The following CBLB variants were observed in gnomAD, a reference collection of about 807,000 sequenced individuals.
The protein encoded by CBLB is Cbl proto-oncogene B.
Under a neutral mutation model 104.9 loss-of-function variants are expected in CBLB, and 31 were observed. The observed-to-expected ratio is 0.30, with a 90% confidence interval of 0.22 to 0.40. CBLB has a LOEUF of 0.40. CBLB is among the 10% of genes least tolerant of loss of function. The pLI, the probability that CBLB is intolerant of heterozygous loss-of-function variation, is 1.00. For missense variants in CBLB, 1,062 were observed against 1,214.6 expected (o/e 0.87, Z 1.87); for synonymous variants, 440 against 422.6 (o/e 1.04, Z -0.51).
chr3:105,828,959 G>A (rs1205424033), intron 3 of CBLB, among the ~76,000 whole-genome samples: 1 of 151,662 alleles, frequency 6.6e-6, no homozygotes, highest in East Asian at 1.9e-4. Flanking sequence ...AGCTTCTAGG[G>A]AACCTCTATA....
rs554147661 is a variant in CBLB at position 105,781,654 on chromosome 3, T to C, written c.420-5112A>G. ...TGTAATCTAATTAGATTGCATGTAG[T>C]CCTTGAGTTTTTTCTATTCAAGAAA... On this transcript the variant is annotated intron_variant, in intron 3 of 18. Transcript: ENST00000394030. Among the ~76,000 whole-genome samples, 29 of 152,290 alleles carry C rather than the reference T, an allele frequency of 1.9e-4. 1 individual carries two copies. In the South Asian group the frequency reaches 6.0e-3, roughly 32 times the overall value.
At chr3:105,835,321 T>A (rs564005042) in intron 3 of CBLB, among the ~76,000 whole-genome samples, 1 of 152,310 alleles carries the variant, frequency 6.6e-6, no homozygotes, top group African/African-American at 2.4e-5. Flanking sequence ...TTGAATGATG[T>A]GTAAAACTAC....
chr3:105,741,153 T>C (rs9830539), intron 6 of CBLB, among the ~76,000 whole-genome samples: 140,982 of 142,922 alleles, frequency 0.99, 69,568 homozygotes, highest in East Asian at 1. Flanking sequence ...AGGCTTAGAA[T>C]TCGATATATT....
intron 3 of CBLB, among the ~76,000 whole-genome samples, chr3:105,809,770 A>G (rs2084030509): frequency 6.6e-6 from 1 of 152,162 alleles, no homozygotes; most frequent in Admixed American, 6.6e-5. Flanking sequence ...CAGACGAGGG[A>G]TCAGATGGGG....
At chr3:105,798,875 G>C (rs1456278782) in intron 3 of CBLB, among the ~76,000 whole-genome samples, 1 of 152,182 alleles carries the variant, frequency 6.6e-6, no homozygotes, top group Non-Finnish European at 1.5e-5. Flanking sequence ...GACAGAGGGG[G>C]TCAGGCATTA....
At chr3:105,795,688 T>C (rs1441723586) in intron 3 of CBLB, among the ~76,000 whole-genome samples, 1 of 152,176 alleles carries the variant, frequency 6.6e-6, no homozygotes, top group East Asian at 1.9e-4. Context: ...AGTTGGCTTA[T>C]GGTTTTTTGT....
chr3:105,806,572 T>TA (rs2083532021), intron 3 of CBLB, among the ~76,000 whole-genome samples: 1 of 151,108 alleles, frequency 6.6e-6, no homozygotes, highest in African/African-American at 2.4e-5. Context: ...TGATGAGTCA[T>TA]AACCCCCCAG....
intron 5 of CBLB, among the ~76,000 whole-genome samples, chr3:105,749,131 C>G (rs1163044315): frequency 6.6e-6 from 1 of 152,142 alleles, no homozygotes; most frequent in East Asian, 1.9e-4. Flanking sequence ...GTTAAACCAT[C>G]TACTTCTCTA....
At chr3:105,818,109 AT>A (rs1254782970) in intron 3 of CBLB, among the ~76,000 whole-genome samples, 1 of 152,196 alleles carries the variant, frequency 6.6e-6, no homozygotes, top group Non-Finnish European at 1.5e-5. Flanking sequence ...AACACCACAA[AT>A]TTCATCAAAA....
At chr3:105,716,003 C>A (rs560133048) in intron 10 of CBLB, among the ~76,000 whole-genome samples, 1 of 152,282 alleles carries the variant, frequency 6.6e-6, no homozygotes, top group South Asian at 2.1e-4. Flanking sequence ...AGTGCCACTG[C>A]AGTCCAGCCT....
intron 3 of CBLB, among the ~76,000 whole-genome samples, chr3:105,782,485 C>G (rs1034682499): frequency 1.3e-5 from 2 of 152,160 alleles, no homozygotes; most frequent in African/African-American, 4.8e-5. Context: ...CCTCATCCAC[C>G]ACTAGCACAG....
At chr3:105,844,720 T>C (rs2090014720) in intron 3 of CBLB, among the ~76,000 whole-genome samples, 1 of 152,232 alleles carries the variant, frequency 6.6e-6, no homozygotes, top group Admixed American at 6.5e-5. Context: ...AATACTATTT[T>C]ACACCCTACC....
chr3:105,677,601 T>C (rs1325681110), intron 17 of CBLB, among the ~76,000 whole-genome samples: 1 of 151,786 alleles, frequency 6.6e-6, no homozygotes, highest in East Asian at 1.9e-4. Flanking sequence ...AGGCAAAGGT[T>C]TCAGGGCACA....
chr3:105,745,796 C>T lies in CBLB; in HGVS notation c.845+121G>A, dbSNP rs55804807. ...TAAGAAGCACCATTTTGGTCTTTTA[C>T]CTTTTCTAGCCCCCTCCCAAGCATG... On this transcript the variant is annotated intron_variant, in intron 6 of 18. Transcript: ENST00000394030. 6.9e-5 allele frequency: 61 copies of T among 885,744 alleles called. No homozygotes were observed. In the Admixed American group the frequency reaches 1.1e-3, roughly 16 times the overall value. 54.9% of individuals were successfully genotyped at this position (885,744 alleles called of 1,614,324 possible).
chr3:105,690,548 G>T (rs1332385858), intron 13 of CBLB, among the ~76,000 whole-genome samples: 1 of 152,208 alleles, frequency 6.6e-6, no homozygotes, highest in African/African-American at 2.4e-5. Flanking sequence ...CAAAGGCTGG[G>T]CATGGTGGCT....
In CBLB at chr3:105,693,505, G is replaced by A. The variant is rs768187830; in HGVS notation, c.2043C>T (p.Leu681=). The change falls in exon 13 of 19, where the codon CTC becomes CTT. Residue 681 remains leucine (L), a synonymous_variant. Transcript: ENST00000394030. ...LSPPPPVTTL[L]PSIKCTGPLA... ...TCAACAAAACTCACTTTATGCTAGGGAGGAGGGTGGTAACTGGAGGAGGAG... is the reference window on the plus strand; with the variant it reads ...TCAACAAAACTCACTTTATGCTAGGAAGGAGGGTGGTAACTGGAGGAGGAG... The A allele has an allele frequency of 1.9e-6, 3 of 1,606,826 alleles. No individual in the cohort carries two copies. Among genetic ancestry groups the A allele is most frequent in the South Asian group, 2.2e-5 (2 of 90,888 alleles).
At chr3:105,760,049 T>C (rs535508933) in intron 4 of CBLB, among the ~76,000 whole-genome samples, 19 of 152,338 alleles carry the variant, frequency 1.2e-4, no homozygotes, top group Admixed American at 7.2e-4. Context: ...TTTTATAAGA[T>C]TGCAGGAACA....
At chr3:105,823,490 T>C (rs1282671703) in intron 3 of CBLB, among the ~76,000 whole-genome samples, 2 of 152,210 alleles carry the variant, frequency 1.3e-5, no homozygotes, top group African/African-American at 2.4e-5. Flanking sequence ...TAGAAGAGAA[T>C]CTTGAGTTCA....
At chr3:105,862,359 T>C (rs2092158589) in intron 2 of CBLB, among the ~76,000 whole-genome samples, 1 of 152,196 alleles carries the variant, frequency 6.6e-6, no homozygotes, top group South Asian at 2.1e-4. Flanking sequence ...CCTTACCTCA[T>C]TAAGTGCATC....
Sources: gnomAD v4.1 joint callset for allele counts (sites outside exome capture counted in the v4.1 genomes callset) on GRCh38, gnomAD v4.1.1 for gene constraint, MANE v1.5 for transcripts, NCBI Gene and HGNC (gene_info 2026-07-23, HGNC 2026-07-21) for gene names.